The following USH2A variants were observed in gnomAD, a reference collection of about 807,000 sequenced individuals.
USH2A encodes Usher syndrome 2A (autosomal recessive, mild).
In USH2A, 443 loss-of-function variants were observed where a neutral mutation model predicts 538.9. That is an observed-to-expected ratio of 0.82 (90% CI 0.76 to 0.89). The LOEUF is 0.89. USH2A is among the 40% of genes least tolerant of loss of function. The pLI is 0.00. For missense variants in USH2A, 6,633 were observed against 6,324.8 expected, an observed-to-expected ratio of 1.05 and a Z score of -1.65; for synonymous variants, 2,413 against 2,273.5, an observed-to-expected ratio of 1.06 and a Z score of -1.75.
intron 4 of USH2A, among the ~76,000 whole-genome samples, chr1:216,353,665 A>G (rs1022439863): frequency 1.3e-5 from 2 of 152,126 alleles, no homozygotes; most frequent in African/African-American, 4.8e-5. Context: ...AGGGTTGGAG[A>G]GTTAAGTATA....
chr1:215,961,217 A>G (rs2102450647), intron 37 of USH2A, among the ~76,000 whole-genome samples: 1 of 152,178 alleles, frequency 6.6e-6, no homozygotes, highest in South Asian at 2.1e-4. Flanking sequence ...GTCTACATAT[A>G]ATTATTGAAA....
At chr1:216,406,049 G>A (rs2039389797) in intron 3 of USH2A, among the ~76,000 whole-genome samples, 1 of 152,172 alleles carries the variant, frequency 6.6e-6, no homozygotes, top group African/African-American at 2.4e-5. Context: ...GTAGGGGAAG[G>A]GAGACAGTGG....
intron 52 of USH2A, among the ~76,000 whole-genome samples, chr1:215,784,231 A>G (rs2102764694): frequency 6.6e-6 from 1 of 152,272 alleles, no homozygotes; most frequent in African/African-American, 2.4e-5. Flanking sequence ...GAGTATAGAA[A>G]GACACTGACA....
intron 70 of USH2A, among the ~76,000 whole-genome samples, chr1:215,632,093 C>T (rs1656300891): frequency 6.6e-6 from 1 of 151,884 alleles, no homozygotes; most frequent in Non-Finnish European, 1.5e-5. Context: ...GACGGAGTCT[C>T]GCTCTGTTGT....
intron 61 of USH2A, among the ~76,000 whole-genome samples, chr1:215,721,011 C>T (rs1170689251): frequency 6.6e-6 from 1 of 152,128 alleles, no homozygotes; most frequent in Non-Finnish European, 1.5e-5. Context: ...TGACCATGCC[C>T]TCTTTCCCCA....
At chr1:216,292,686 C>T (rs916807803) in intron 9 of USH2A, among the ~76,000 whole-genome samples, 7 of 152,014 alleles carry the variant, frequency 4.6e-5, no homozygotes, top group African/African-American at 7.2e-5. Flanking sequence ...AGAGATACAA[C>T]GTGTAATCAT....
chr1:215,687,409 T>A (rs1318190638), intron 61 of USH2A, among the ~76,000 whole-genome samples: 1 of 151,944 alleles, frequency 6.6e-6, no homozygotes, highest in East Asian at 1.9e-4. Flanking sequence ...ATTCATTTTG[T>A]AATGGAGGGG....
intron 38 of USH2A, among the ~76,000 whole-genome samples, chr1:215,910,253 TTTAACTTAA>T (rs1665746680): frequency 6.6e-6 from 1 of 152,044 alleles, no homozygotes; most frequent in African/African-American, 2.4e-5. Flanking sequence ...TTTTTACATT[TTTAACTTAA>T]TTAGCTGATT....
chr1:215,894,019 A>T (rs751078949), intron 40 of USH2A, among the ~76,000 whole-genome samples: 2 of 152,230 alleles, frequency 1.3e-5, no homozygotes, highest in Non-Finnish European at 2.9e-5. Flanking sequence ...TGCTCTCAAA[A>T]TCAGAAGATT....
In USH2A at chr1:216,198,463, C is replaced by T. The variant is rs560861284; in HGVS notation, c.3933G>A (p.Ser1311=). ...GAGGTTTTAATGCATTTTCATTGGC[C>T]GATTCTACAAATGAATGAGGACTGA... is the stretch of plus-strand genomic sequence containing the variant. The part of the protein sequence containing the change: ...GWLSPHSFVE[S]ANENALKPPQ... The change falls in exon 18 of 72, where the codon TCG becomes TCA. Residue 1311 remains serine (S), a synonymous_variant. Transcript: ENST00000307340. 52 of 1,613,894 alleles carry T rather than the reference C, an allele frequency of 3.2e-5. No individual in the cohort carries two copies. The highest frequency in any genetic ancestry group is 2.6e-4 in the South Asian group (24 of 91,066).
At position 215,794,438 on chromosome 1, in the gene USH2A, T is replaced by G. The variant is rs564450243; in HGVS notation, c.9959-4156A>C. On this transcript the variant is annotated intron_variant, in intron 50 of 71. Transcript: ENST00000307340. ...GAACGATATTATGAGATCCAAACAC[T>G]TATGTAGCAGGTATGCTGTTTGTTG... 8.0e-4 allele frequency among the ~76,000 whole-genome samples: 122 copies of G among 152,042 alleles called. 1 individual carries two copies. The highest frequency in any genetic ancestry group is 1.3e-3 in the Non-Finnish European group (89 of 68,026).
At chr1:215,916,885 A>G (rs959630317) in intron 38 of USH2A, among the ~76,000 whole-genome samples, 1 of 152,120 alleles carries the variant, frequency 6.6e-6, no homozygotes, top group Non-Finnish European at 1.5e-5. Context: ...GTTTAAGATT[A>G]AAGAATTGCT....
At chr1:215,856,323 C>A (rs542024296) in intron 44 of USH2A, among the ~76,000 whole-genome samples, 2 of 152,246 alleles carry the variant, frequency 1.3e-5, no homozygotes, top group East Asian at 1.9e-4. Context: ...CTACAAGCAA[C>A]TCAAACAAAT....
chr1:216,009,878 T>C (rs1668501933), intron 32 of USH2A, among the ~76,000 whole-genome samples: 1 of 152,206 alleles, frequency 6.6e-6, no homozygotes. Context: ...TCAAGGTTAA[T>C]GCTCCTTTTT....
chr1:215,959,010 C>T lies in USH2A; in HGVS notation c.7120+6307G>A, dbSNP rs543893908. Among the ~76,000 whole-genome samples, 9 of 152,168 alleles carry T rather than the reference C, an allele frequency of 5.9e-5. No homozygotes were observed. The South Asian group carries it at 1.9e-3, about 32-fold the overall frequency. On this transcript the variant is annotated intron_variant, in intron 37 of 71. Coordinates refer to ENST00000307340, the MANE Select transcript of USH2A (RefSeq NM_206933.4). ...AAGATGCCCTTCTTTCTGTAAGCTT[C>T]CACCTTAGGACTTCTGACTCACCAC...
chr1:215,920,328 T>G (rs1666065522), intron 38 of USH2A, among the ~76,000 whole-genome samples: 1 of 152,092 alleles, frequency 6.6e-6, no homozygotes, highest in African/African-American at 2.4e-5. Context: ...CACTTATAAT[T>G]TAATATGCCA....
chr1:215,854,346 A>G (rs542581040), intron 44 of USH2A, among the ~76,000 whole-genome samples: 9 of 152,250 alleles, frequency 5.9e-5, no homozygotes, highest in African/African-American at 1.9e-4. Context: ...TGTGGGCATT[A>G]TGGGAGCTAC....
chr1:216,148,552 T>C (rs533773407), intron 21 of USH2A, among the ~76,000 whole-genome samples: 2 of 152,150 alleles, frequency 1.3e-5, no homozygotes, highest in South Asian at 2.1e-4. Flanking sequence ...CCTCACAGCA[T>C]GCTTTGAAAG....
rs6691886 is a variant in USH2A at position 216,244,735 on chromosome 1, G to A, written c.2809+1850C>T. 4.8e-3 allele frequency among the ~76,000 whole-genome samples: 727 copies of A among 152,238 alleles called. 6 individuals are homozygous for A. The highest frequency in any genetic ancestry group is 0.017 in the African/African-American group (698 of 41,546). ...TAGTTCATCATTTAGATATCTGGTA[G>A]GTGTACAAAGTATTGAGATGATGGA... On this transcript the variant is annotated intron_variant, in intron 13 of 71. Coordinates refer to ENST00000307340, the MANE Select transcript of USH2A (RefSeq NM_206933.4).
Sources: gnomAD v4.1 joint callset for allele counts (sites outside exome capture counted in the v4.1 genomes callset) on GRCh38, gnomAD v4.1.1 for gene constraint, MANE v1.5 for transcripts, NCBI Gene and HGNC (gene_info 2026-07-23, HGNC 2026-07-21) for gene names.